Variants in HTR4 observed in about 807,000 individuals in gnomAD.
HTR4 encodes 5-hydroxytryptamine (serotonin) receptor 4, G protein-coupled.
HTR4 carries 16 observed loss-of-function variants against 36.8 expected under a neutral mutation model. That is an observed-to-expected ratio of 0.43 (90% CI 0.29 to 0.66). HTR4 has a LOEUF of 0.66. Among genes scored for constraint, HTR4 ranks in the 30% least tolerant of loss-of-function variants. The probability of loss-of-function intolerance (pLI) is 0.13; values close to 1 mark genes in which losing one functional copy is unlikely to be tolerated. For synonymous variants in HTR4, 189 were observed against 185.1 expected, an observed-to-expected ratio of 1.02 and a Z score of -0.17; for missense variants, 438 against 490.9, an observed-to-expected ratio of 0.89 and a Z score of 1.02.
intron 6 of HTR4, among the ~76,000 whole-genome samples, chr5:148,501,678 G>A (rs374199277): frequency 1.3e-5 from 2 of 152,156 alleles, no homozygotes; most frequent in African/African-American, 2.4e-5. Context: ...TCTAGCAGAT[G>A]CAGGTTTCAA....
chr5:148,614,924 G>A (rs1752599606), intron 2 of HTR4, among the ~76,000 whole-genome samples: 1 of 149,720 alleles, frequency 6.7e-6, no homozygotes, highest in Non-Finnish European at 1.5e-5. Context: ...AAAAACACAT[G>A]AAAAAATGCT....
In HTR4 at chr5:148,482,079, G is replaced by C; in HGVS notation, c.*1124C>G. 1 of 980,690 alleles carries C rather than the reference G, an allele frequency of 1.0e-6. No individual in the cohort carries two copies. Among genetic ancestry groups the C allele is most frequent in the Non-Finnish European group, 1.2e-6 (1 of 825,382 alleles). The allele number at this position is 980,690 out of a possible 1,614,324, so 60.7% of individuals were successfully genotyped here. A position where few individuals can be genotyped will look rare whatever the true frequency, so the allele number is the denominator to read the frequency against. On this transcript the variant is annotated 3_prime_UTR_variant, in exon 7 of 7. Coordinates refer to ENST00000377888, the MANE Select transcript of HTR4 (RefSeq NM_000870.7). ...CCAGAGATGAAAGAACACTATTCAA[G>C]ATCTCACAGCTTGTTTGCAGCACAG...
At chr5:148,452,383 T>A (rs1754994175) in intron 5 of HTR4, among the ~76,000 whole-genome samples, 2 of 152,172 alleles carry the variant, frequency 1.3e-5, no homozygotes, top group African/African-American at 4.8e-5. Flanking sequence ...GCCCATGGAC[T>A]AGGTATAAGT....
At chr5:148,462,243 C>G (rs1294163460) in intron 5 of HTR4, among the ~76,000 whole-genome samples, 1 of 151,368 alleles carries the variant, frequency 6.6e-6, no homozygotes, top group Non-Finnish European at 1.5e-5. Flanking sequence ...TCTTTGAAAA[C>G]AATAAAATTG....
At chr5:148,605,259 T>G (rs1207550012) in intron 2 of HTR4, among the ~76,000 whole-genome samples, 1 of 139,500 alleles carries the variant, frequency 7.2e-6, no homozygotes, top group African/African-American at 2.7e-5. Context: ...TTCTTTTCTT[T>G]TTTTTTTTTT....
intron 2 of HTR4, among the ~76,000 whole-genome samples, chr5:148,566,728 A>G (rs1012915876): frequency 1.3e-5 from 2 of 152,150 alleles, no homozygotes; most frequent in Admixed American, 1.3e-4. Flanking sequence ...GCTTACATAT[A>G]CAAACATATA....
intron 2 of HTR4, among the ~76,000 whole-genome samples, chr5:148,593,298 A>G (rs1761644100): frequency 6.6e-6 from 1 of 152,118 alleles, no homozygotes; most frequent in African/African-American, 2.4e-5. Flanking sequence ...AAATTTCATG[A>G]TATTTTCTTG....
chr5:148,452,127 A>G (rs1358440979), intron 5 of HTR4, among the ~76,000 whole-genome samples: 3 of 152,230 alleles, frequency 2.0e-5, no homozygotes, highest in Non-Finnish European at 2.9e-5. Flanking sequence ...TTTGCTTTGA[A>G]TTACAATAAT....
chr5:148,632,176 T>C (rs5028114), intron 2 of HTR4, among the ~76,000 whole-genome samples: 103,376 of 152,024 alleles, frequency 0.68, 36,933 homozygotes, highest in African/African-American at 0.92. Context: ...ACGAAGCGAT[T>C]AAAAGGGTTG....
At chr5:148,638,978 T>C (rs1339304526) in intron 1 of HTR4, among the ~76,000 whole-genome samples, 2 of 151,620 alleles carry the variant, frequency 1.3e-5, no homozygotes, top group Non-Finnish European at 2.9e-5. Flanking sequence ...GCCCAGGAGG[T>C]TGAGGCTGCT....
chr5:148,531,388 A>G (rs1177917053), intron 4 of HTR4, among the ~76,000 whole-genome samples: 1 of 152,148 alleles, frequency 6.6e-6, no homozygotes, highest in Non-Finnish European at 1.5e-5. Context: ...TGATGGTTTT[A>G]TAAAGGGGAG....
At chr5:148,615,707 A>AAT (rs773040493) in intron 2 of HTR4, among the ~76,000 whole-genome samples, 2 of 117,298 alleles carry the variant, frequency 1.7e-5, no homozygotes, top group South Asian at 5.6e-4. Context: ...AAAGAAAGAA[A>AAT]GAAATAAAAT....
chr5:148,525,701 A>G (rs1055966801), intron 4 of HTR4, among the ~76,000 whole-genome samples: 12 of 152,280 alleles, frequency 7.9e-5, no homozygotes, highest in African/African-American at 2.6e-4. Context: ...CTTTAAATAA[A>G]CCACCTCATA....
chr5:148,473,795 A>G (rs1755630654), downstream of HTR4, among the ~76,000 whole-genome samples: 1 of 152,188 alleles, frequency 6.6e-6, no homozygotes, highest in African/African-American at 2.4e-5. Context: ...GAATTTACCC[A>G]GCTAGTGAGC....
intron 5 of HTR4, among the ~76,000 whole-genome samples, chr5:148,511,720 T>C (rs1239725727): frequency 1.3e-5 from 2 of 151,690 alleles, no homozygotes; most frequent in Non-Finnish European, 2.9e-5. Flanking sequence ...CTTGGGTATA[T>C]ACAGCCAAAC....
In HTR4 at chr5:148,481,861, A is replaced by C. The variant is rs1450318540; in HGVS notation, c.*1342T>G. The C allele has an allele frequency of 7.9e-7, 1 of 1,265,046 alleles. No homozygotes were observed. Among genetic ancestry groups the C allele is most frequent in the East Asian group, 3.2e-5 (1 of 30,778 alleles). The allele number at this position is 1,265,046 out of a possible 1,614,324, so 78.4% of individuals were successfully genotyped here. ...ACATCCAGATTAATCTGAAGGACAA[A>C]GCTGGAAAGGTCAGGGGTCTAAAAG... On this transcript the variant is annotated 3_prime_UTR_variant, in exon 7 of 7. Coordinates refer to ENST00000377888, the MANE Select transcript of HTR4 (RefSeq NM_000870.7).
intron 6 of HTR4, among the ~76,000 whole-genome samples, chr5:148,496,441 C>T (rs991210660): frequency 7.2e-5 from 11 of 152,158 alleles, no homozygotes; most frequent in African/African-American, 2.2e-4. Flanking sequence ...AAATTTCCAA[C>T]AATAATATAT....
At chr5:148,648,859 G>A (rs1250197406) in intron 1 of HTR4, among the ~76,000 whole-genome samples, 1 of 152,188 alleles carries the variant, frequency 6.6e-6, no homozygotes, top group East Asian at 1.9e-4. Flanking sequence ...AAGGGTCATG[G>A]ACTCCAGGAG....
At chr5:148,624,069 T>C (rs1019955884) in intron 2 of HTR4, among the ~76,000 whole-genome samples, 1 of 152,168 alleles carries the variant, frequency 6.6e-6, no homozygotes. Flanking sequence ...GCACAGCACC[T>C]GGAACAAAGA....
Sources: gnomAD v4.1 joint callset for allele counts (sites outside exome capture counted in the v4.1 genomes callset) on GRCh38, gnomAD v4.1.1 for gene constraint, MANE v1.5 for transcripts, NCBI Gene and HGNC (gene_info 2026-07-23, HGNC 2026-07-21) for gene names.